The following C10orf90 variants were observed in gnomAD, a reference collection of about 807,000 sequenced individuals.
The protein encoded by C10orf90 is chromosome 10 open reading frame 90, also known as (E2-independent) E3 ubiquitin-conjugating enzyme FATS.
C10orf90 carries 56 observed loss-of-function variants against 62.5 expected under a neutral mutation model. The ratio of observed to expected loss-of-function variants is 0.90; its 90% CI spans 0.72 to 1.12. The LOEUF is 1.12. Ranked by LOEUF, C10orf90 falls within the 50% of genes most tolerant of loss-of-function variation. The probability of loss-of-function intolerance (pLI) is 0.00; values close to 1 mark genes in which losing one functional copy is unlikely to be tolerated. For missense variants in C10orf90, 970 were observed against 880.4 expected (o/e 1.10, Z -1.29); for synonymous variants, 386 against 340.4 (o/e 1.13, Z -1.47).
intron 7 of C10orf90, among the ~76,000 whole-genome samples, chr10:126,457,338 C>T: frequency 6.6e-6 from 1 of 152,172 alleles, no homozygotes; most frequent in Non-Finnish European, 1.5e-5. Flanking sequence ...CACAGCAGCC[C>T]TAGGAAATCA....
intron 2 of C10orf90, among the ~76,000 whole-genome samples, chr10:126,518,278 T>C (rs985389172): frequency 2.0e-5 from 3 of 152,188 alleles, no homozygotes; most frequent in African/African-American, 7.2e-5. Flanking sequence ...CCTGCAGACC[T>C]AGCAAATGAG....
At chr10:126,560,022 A>G (rs1216058529) in intron 2 of C10orf90, among the ~76,000 whole-genome samples, 2 of 152,178 alleles carry the variant, frequency 1.3e-5, no homozygotes, top group African/African-American at 4.8e-5. Context: ...CTTTCCTCTC[A>G]TAAGAGCCAG....
chr10:126,475,890 G>GT (rs1389018556), intron 4 of C10orf90, among the ~76,000 whole-genome samples: 3 of 152,212 alleles, frequency 2.0e-5, no homozygotes, highest in East Asian at 1.9e-4. Context: ...TTTCTAATAT[G>GT]TTTTTTTGAT....
intron 2 of C10orf90, among the ~76,000 whole-genome samples, chr10:126,579,740 C>T (rs1844707246): frequency 6.6e-6 from 1 of 151,078 alleles, no homozygotes; most frequent in Non-Finnish European, 1.5e-5. Context: ...AAATATCTCA[C>T]ATATGTTTGT....
intron 4 of C10orf90, among the ~76,000 whole-genome samples, chr10:126,484,483 C>G (rs1390720859): frequency 2.0e-5 from 3 of 152,026 alleles, no homozygotes; most frequent in Non-Finnish European, 4.4e-5. Context: ...ATGAAAAAGT[C>G]CTGCTTTATT....
At chr10:126,492,861 AT>A (rs770892051) in intron 4 of C10orf90, among the ~76,000 whole-genome samples, 2 of 152,234 alleles carry the variant, frequency 1.3e-5, no homozygotes, top group Non-Finnish European at 2.9e-5. Flanking sequence ...AAAGTCTTAA[AT>A]TTGTGCCTAT....
At position 126,541,279 on chromosome 10, in the gene C10orf90, T is replaced by C. The variant is rs74158830; in HGVS notation, c.314-27340A>G. 3.4e-3 allele frequency among the ~76,000 whole-genome samples: 521 copies of C among 152,078 alleles called. 5 individuals carry two copies. Among genetic ancestry groups the C allele is most frequent in the African/African-American group, 0.012 (508 of 41,492 alleles). Reference sequence around the variant, plus strand: ...GGATGTTACTGGAAAATAAATACAATGGGATAATATATACTAAAAAGATGC... The same window carrying C: ...GGATGTTACTGGAAAATAAATACAACGGGATAATATATACTAAAAAGATGC... On this transcript the variant is annotated intron_variant, in intron 2 of 9. Transcript: ENST00000488181.
At chr10:126,470,629 G>A (rs538498468) in intron 4 of C10orf90, among the ~76,000 whole-genome samples, 1 of 152,052 alleles carries the variant, frequency 6.6e-6, no homozygotes, top group East Asian at 1.9e-4. Context: ...ATGTGCCTGT[G>A]GTCCAAGCTA....
chr10:126,663,385 G>T (rs77110994), intron 1 of C10orf90, among the ~76,000 whole-genome samples: 3 of 152,122 alleles, frequency 2.0e-5, no homozygotes, highest in Non-Finnish European at 2.9e-5. Flanking sequence ...AGAAGAAGAC[G>T]TAACATAGAT....
intron 3 of C10orf90, among the ~76,000 whole-genome samples, chr10:126,506,171 T>C (rs561934231): frequency 6.6e-6 from 1 of 152,350 alleles, no homozygotes; most frequent in African/African-American, 2.4e-5. Flanking sequence ...TTTTTCCTAA[T>C]CAGCAGATTG....
At chr10:126,563,606 A>G (rs1322128823) in intron 2 of C10orf90, among the ~76,000 whole-genome samples, 8 of 152,216 alleles carry the variant, frequency 5.3e-5, no homozygotes, top group Non-Finnish European at 7.4e-5. Context: ...CCCAATCCAC[A>G]TTGATGGCTG....
At chr10:126,655,922 G>A (rs1424792893) in intron 1 of C10orf90, among the ~76,000 whole-genome samples, 1 of 152,012 alleles carries the variant, frequency 6.6e-6, no homozygotes, top group Non-Finnish European at 1.5e-5. Context: ...TGGGCCTGGG[G>A]GGGAGAAGAC....
chr10:126,654,190 A>G (rs1346323802), intron 1 of C10orf90, among the ~76,000 whole-genome samples: 1 of 152,234 alleles, frequency 6.6e-6, no homozygotes, highest in Non-Finnish European at 1.5e-5. Flanking sequence ...CAAGAGAGTC[A>G]GCCTGTCCTG....
chr10:126,573,765 C>A (rs115480997), intron 2 of C10orf90, among the ~76,000 whole-genome samples: 2 of 152,112 alleles, frequency 1.3e-5, no homozygotes, highest in Non-Finnish European at 2.9e-5. Context: ...CCCCAGTACC[C>A]AACACAAAGT....
intron 2 of C10orf90, among the ~76,000 whole-genome samples, chr10:126,539,453 A>G (rs1436808482): frequency 6.6e-6 from 1 of 152,196 alleles, no homozygotes; most frequent in Non-Finnish European, 1.5e-5. Context: ...AAGCTTTCAT[A>G]TCAAAGAAGC....
At chr10:126,506,919 A>AGTGTGT (rs61651582) in intron 3 of C10orf90, among the ~76,000 whole-genome samples, 24 of 149,426 alleles carry the variant, frequency 1.6e-4, no homozygotes, top group Admixed American at 6.7e-4. Context: ...CAGGAGGGCC[A>AGTGTGT]GTGTGTGTGT....
At chr10:126,439,738 G>T (rs1413360234) in intron 7 of C10orf90, among the ~76,000 whole-genome samples, 1 of 152,046 alleles carries the variant, frequency 6.6e-6, no homozygotes, top group South Asian at 2.1e-4. Context: ...GAATTCAAAG[G>T]CAGGTTATTT....
intron 7 of C10orf90, among the ~76,000 whole-genome samples, chr10:126,447,434 GAC>G (rs1858859210): frequency 6.6e-6 from 1 of 152,076 alleles, no homozygotes; most frequent in Admixed American, 6.6e-5. Flanking sequence ...TGTAAAAAGA[GAC>G]AGAGTCATAA....
intron 2 of C10orf90, among the ~76,000 whole-genome samples, chr10:126,592,961 A>G (rs1845010681): frequency 6.6e-6 from 1 of 152,216 alleles, no homozygotes; most frequent in African/African-American, 2.4e-5. Flanking sequence ...TGATCATTAG[A>G]AATGCACGTC....
Sources: gnomAD v4.1 joint callset for allele counts (sites outside exome capture counted in the v4.1 genomes callset) on GRCh38, gnomAD v4.1.1 for gene constraint, MANE v1.5 for transcripts, NCBI Gene and HGNC (gene_info 2026-07-23, HGNC 2026-07-21) for gene names.